Variants in RALYL observed in about 807,000 individuals in gnomAD.
RALYL encodes RALY RNA binding protein like, also known as RNA-binding Raly-like protein.
In RALYL, 29 loss-of-function variants were observed where a neutral mutation model predicts 35.1. That is an observed-to-expected ratio of 0.83 (90% CI 0.61 to 1.13). RALYL has a LOEUF of 1.13. Among genes scored for constraint, RALYL ranks in the 50% most tolerant of loss-of-function variants. The pLI, the probability that RALYL is intolerant of heterozygous loss-of-function variation, is 0.00. For synonymous variants in RALYL, 120 were observed against 127.6 expected (o/e 0.94, Z 0.40); for missense variants, 359 against 360.4 (o/e 1.00, Z 0.03).
At chr8:84,581,540 T>C (rs1156715023) in intron 2 of RALYL, among the ~76,000 whole-genome samples, 1 of 152,180 alleles carries the variant, frequency 6.6e-6, no homozygotes, top group Non-Finnish European at 1.5e-5. Context: ...GCTGGCACAT[T>C]GGATGTGCTC....
At chr8:84,534,468 C>T (rs1200974098) in intron 2 of RALYL, among the ~76,000 whole-genome samples, 2 of 152,146 alleles carry the variant, frequency 1.3e-5, no homozygotes, top group African/African-American at 4.8e-5. Flanking sequence ...ATATCTGTCC[C>T]TTCTCCCTCT....
At chr8:84,515,972 A>G (rs1393002225) in intron 1 of RALYL, among the ~76,000 whole-genome samples, 1 of 131,696 alleles carries the variant, frequency 7.6e-6, no homozygotes, top group Non-Finnish European at 1.6e-5. Flanking sequence ...GATAAAAAGA[A>G]TATATTCCAG....
At chr8:84,918,699 GTT>G in intron 8 of RALYL, among the ~76,000 whole-genome samples, 1 of 152,146 alleles carries the variant, frequency 6.6e-6, no homozygotes, top group East Asian at 1.9e-4. Context: ...CATACTAGAA[GTT>G]TTATGGAAAG....
chr8:84,406,022 G>GAAAAAGC (rs1203354914), intron 1 of RALYL, among the ~76,000 whole-genome samples: 4 of 126,772 alleles, frequency 3.2e-5, no homozygotes, highest in African/African-American at 1.2e-4. Context: ...TGTTAAATAT[G>GAAAAAGC]AAAAAGCAAG....
chr8:84,741,767 T>TA (rs1264607494), intron 2 of RALYL, among the ~76,000 whole-genome samples: 3 of 152,006 alleles, frequency 2.0e-5, no homozygotes, highest in Admixed American at 2.0e-4. Context: ...GAAAAAGAAT[T>TA]TGCTCCAGAG....
chr8:84,456,082 G>T (rs2050099925), intron 1 of RALYL, among the ~76,000 whole-genome samples: 3 of 151,846 alleles, frequency 2.0e-5, no homozygotes, highest in Non-Finnish European at 1.5e-5. Context: ...TGTTCCGAGG[G>T]TAAAATGTAC....
intron 2 of RALYL, among the ~76,000 whole-genome samples, chr8:84,649,807 A>G (rs989792772): frequency 6.6e-5 from 10 of 152,100 alleles, no homozygotes; most frequent in African/African-American, 2.2e-4. Context: ...GTTTTTTCCA[A>G]TTCTGTGACG....
intron 2 of RALYL, among the ~76,000 whole-genome samples, chr8:84,537,474 CAAAA>C (rs397978512): frequency 2.4e-5 from 2 of 84,934 alleles, no homozygotes; most frequent in African/African-American, 3.9e-5. Flanking sequence ...AATCCTGTCT[CAAAA>C]AAAAAAAAAA....
intron 1 of RALYL, among the ~76,000 whole-genome samples, chr8:84,359,758 C>T (rs1852569257): frequency 6.6e-6 from 1 of 152,058 alleles, no homozygotes; most frequent in African/African-American, 2.4e-5. Flanking sequence ...CAAATATAAT[C>T]TCTACTAAAC....
At chr8:84,766,363 AC>A (rs1170236542) in intron 2 of RALYL, among the ~76,000 whole-genome samples, 1 of 151,902 alleles carries the variant, frequency 6.6e-6, no homozygotes, top group Non-Finnish European at 1.5e-5. Context: ...ATTTTTACTA[AC>A]AGTTTTACTG....
At chr8:84,426,245 C>T (rs2046417099) in intron 1 of RALYL, among the ~76,000 whole-genome samples, 1 of 152,110 alleles carries the variant, frequency 6.6e-6, no homozygotes, top group Admixed American at 6.5e-5. Context: ...GTGGCAAGAG[C>T]AGCTAAAATC....
chr8:84,383,619 T>C (rs1858484038), intron 1 of RALYL, among the ~76,000 whole-genome samples: 1 of 151,514 alleles, frequency 6.6e-6, no homozygotes, highest in South Asian at 2.1e-4. Context: ...GAAGAAAAGA[T>C]TGCACCCAGT....
intron 1 of RALYL, among the ~76,000 whole-genome samples, chr8:84,445,933 ATAT>A (rs2048803382): frequency 6.6e-6 from 1 of 151,564 alleles, no homozygotes; most frequent in Non-Finnish European, 1.5e-5. Context: ...ATATTTGATA[ATAT>A]TTGATTCTGA....
chr8:84,707,256 A>T (rs1841378461), intron 2 of RALYL, among the ~76,000 whole-genome samples: 1 of 152,180 alleles, frequency 6.6e-6, no homozygotes, highest in Non-Finnish European at 1.5e-5. Flanking sequence ...ATAAAGAAAC[A>T]ATATATGATA....
At chr8:84,572,995 G>T (rs1010889933) in intron 2 of RALYL, among the ~76,000 whole-genome samples, 2 of 151,380 alleles carry the variant, frequency 1.3e-5, no homozygotes, top group African/African-American at 4.8e-5. Flanking sequence ...TAATCCCAGT[G>T]TATCTTCAAA....
At position 84,774,521 on chromosome 8, in the gene RALYL, CT is replaced by C. The variant is rs746028935; in HGVS notation, c.257-54del. 6.1e-5 allele frequency: 68 copies of C among 1,112,670 alleles called. No individual in the cohort carries two copies. The East Asian group carries it at 1.5e-3, about 24-fold the overall frequency. 68.9% of individuals were successfully genotyped at this position (1,112,670 alleles called of 1,614,324 possible). A position where few individuals can be genotyped will look rare whatever the true frequency, so the allele number is the denominator to read the frequency against. ...AAGAAAAATAAAAGTTCATGATTTA[CT>C]TTTCTCAGATGGTTTCGTATTTTCT... is the stretch of plus-strand genomic sequence containing the variant. On this transcript the variant is annotated intron_variant, in intron 2 of 8. Transcript: ENST00000521268.
chr8:84,391,111 T>C (rs1187341140), intron 1 of RALYL, among the ~76,000 whole-genome samples: 8 of 151,990 alleles, frequency 5.3e-5, no homozygotes, highest in African/African-American at 1.7e-4. Flanking sequence ...ATGGGAGCAC[T>C]TGTGAAAAGA....
intron 1 of RALYL, among the ~76,000 whole-genome samples, chr8:84,405,553 A>G (rs2043388358): frequency 1.3e-5 from 2 of 152,172 alleles, no homozygotes; most frequent in East Asian, 1.9e-4. Flanking sequence ...CAGAAATACA[A>G]ACTACTATCA....
intron 8 of RALYL, among the ~76,000 whole-genome samples, chr8:84,901,855 T>C (rs572069733): frequency 6.6e-4 from 100 of 152,236 alleles, no homozygotes; most frequent in South Asian, 4.6e-3. Flanking sequence ...CAGTTAGTCA[T>C]GAATGAGGGC....
Sources: allele counts gnomAD v4.1 joint callset (sites outside exome capture counted in the v4.1 genomes callset), GRCh38; gene constraint gnomAD v4.1.1; transcripts MANE v1.5; gene names NCBI Gene and HGNC (gene_info 2026-07-23, HGNC 2026-07-21).